Variants in SULT1C2 observed in about 807,000 individuals in gnomAD.
SULT1C2 encodes the protein sulfotransferase family 1C member 2.
In SULT1C2, 27 loss-of-function variants were observed where a neutral mutation model predicts 36.0. The observed-to-expected ratio is 0.75, with a 90% CI of 0.55 to 1.03. The LOEUF (loss-of-function observed/expected upper bound fraction) is 1.03. Ranked by LOEUF, SULT1C2 falls within the 50% of genes least tolerant of loss-of-function variation. The pLI is 0.00. For synonymous variants in SULT1C2, 121 were observed against 116.0 expected (o/e 1.04, Z -0.27); for missense variants, 395 against 359.2 (o/e 1.10, Z -0.80).
chr2:108,303,636 G>T (rs565699349), intron 4 of SULT1C2: 4 of 152,240 alleles, frequency 2.6e-5, no homozygotes, highest in Non-Finnish European at 5.9e-5. Context: ...GGATGTCAAA[G>T]CATCAGATAC....
chr2:108,292,183 A>C (rs1676608520), intron 1 of SULT1C2, among the ~76,000 whole-genome samples: 1 of 152,182 alleles, frequency 6.6e-6, no homozygotes, highest in African/African-American at 2.4e-5. Flanking sequence ...CAAAAGTTAA[A>C]ATAAATTAAT....
intron 4 of SULT1C2, 138 bp from the exon 5 acceptor site, chr2:108,304,436 C>A: frequency 1.1e-6 from 1 of 894,672 alleles, no homozygotes; most frequent in Non-Finnish European, 1.6e-6. Flanking sequence ...AGGGAGGTCA[C>A]AAGGCCAAGT....
chr2:108,303,384 C>T (rs1676939420), intron 4 of SULT1C2: 1 of 152,438 alleles, frequency 6.6e-6, no homozygotes, highest in African/African-American at 2.4e-5. Flanking sequence ...GGGCAAGAGC[C>T]TTGATGTGGT....
intron 3 of SULT1C2, chr2:108,299,943 T>A (rs1676831142): frequency 6.6e-6 from 1 of 152,252 alleles, no homozygotes; most frequent in African/African-American, 2.4e-5. Context: ...TCCTCTGACA[T>A]GATTCGCATG....
In SULT1C2 at chr2:108,305,677, T is replaced by C. The variant is rs770168471; in HGVS notation, c.778+82T>C. ...CTTAGCAGACAATATTGAGTTTTAT[T>C]AATTCCAAGCCAATGCATTTCAACT... On this transcript the variant is annotated intron_variant, in intron 7 of 7. Transcript: ENST00000251481. 4 of 1,534,308 alleles carry C rather than the reference T, an allele frequency of 2.6e-6. No individual in the cohort carries two copies. In the South Asian group the frequency reaches 4.5e-5, roughly 17 times the overall value.
chr2:108,296,758 T>C (rs1676740149), intron 3 of SULT1C2, among the ~76,000 whole-genome samples: 1 of 152,232 alleles, frequency 6.6e-6, no homozygotes, highest in African/African-American at 2.4e-5. Flanking sequence ...GCCAGTGGTT[T>C]TCTTTCAGAG....
At chr2:108,300,638 G>C in intron 3 of SULT1C2, 200 bp from the exon 4 acceptor site, 1 of 812,798 alleles carries the variant, frequency 1.2e-6, no homozygotes, top group Non-Finnish European at 1.8e-6. Flanking sequence ...TTAACTCTAA[G>C]GCCCCATCCA....
At chr2:108,296,354 G>T (rs1289436311) in intron 3 of SULT1C2, among the ~76,000 whole-genome samples, 3 of 152,150 alleles carry the variant, frequency 2.0e-5, no homozygotes, top group African/African-American at 7.2e-5. Context: ...AGGAACCAAG[G>T]TGCCCTGTGT....
At chr2:108,300,802 T>C in intron 3 of SULT1C2, 36 bp from the exon 4 acceptor site, 1 of 1,613,864 alleles carries the variant, frequency 6.2e-7, no homozygotes, top group Non-Finnish European at 8.5e-7. Flanking sequence ...GTAGTGCTTG[T>C]ACTACGCAGA....
chr2:108,291,031 G>C (rs1003184787), intron 1 of SULT1C2, among the ~76,000 whole-genome samples: 2 of 152,172 alleles, frequency 1.3e-5, no homozygotes, highest in African/African-American at 4.8e-5. Context: ...GTAAAATCAA[G>C]GTGTTGGCAG....
rs117250056 is a variant in SULT1C2 at position 108,291,478 on chromosome 2, C to T, written c.-21-2169C>T. On this transcript the variant is annotated intron_variant, in intron 1 of 7. Coordinates refer to ENST00000251481, the MANE Select transcript of SULT1C2 (RefSeq NM_001056.4). ...ATCTTTAGGGCCATTATTCTGCCTA[C>T]AACAATATACATTTGAAAAAGACAG... Among the ~76,000 whole-genome samples the T allele has an allele frequency of 7.3e-3, 1,110 of 152,242 alleles. 28 individuals are homozygous for T. The East Asian group carries it at 0.092, about 13-fold the overall frequency.
chr2:108,295,401 A>C (rs1676699658), intron 3 of SULT1C2, among the ~76,000 whole-genome samples: 1 of 152,194 alleles, frequency 6.6e-6, no homozygotes, highest in African/African-American at 2.4e-5. Context: ...CTGCCTGCTT[A>C]ACCATGATCT....
At chr2:108,296,796 G>A (rs1017712418) in intron 3 of SULT1C2, among the ~76,000 whole-genome samples, 1 of 152,224 alleles carries the variant, frequency 6.6e-6, no homozygotes. Context: ...TTGAGGTGAG[G>A]AGCATCACTG....
Position 108,308,336 on chromosome 2 carries a change from G to T in SULT1C2, c.779-16G>T. On this transcript the variant is annotated splice_polypyrimidine_tract_variant and intron_variant, in intron 7 of 7. Transcript: ENST00000251481. ...TCAATCAGAGTGACACTCCTGTCTG[G>T]CCTTCCTTTTTCTAGGAACTGTGGG... 6.3e-7 allele frequency: 1 copy of T among 1,596,262 alleles called. No homozygotes were observed. The highest frequency in any genetic ancestry group is 8.5e-7 in the Non-Finnish European group (1 of 1,173,360).
chr2:108,305,088 A>G (rs956998419), intron 5 of SULT1C2, 84 bp from the exon 6 acceptor site: 1 of 1,509,762 alleles, frequency 6.6e-7, no homozygotes, highest in African/African-American at 1.4e-5. Context: ...TTCTCTCTCT[A>G]ACTCACTTCA....
intron 4 of SULT1C2, 82 bp downstream of exon 4, chr2:108,301,017 C>A: frequency 6.4e-7 from 1 of 1,552,846 alleles, no homozygotes; most frequent in South Asian, 1.2e-5. Context: ...GCAGAGCATT[C>A]GTGATCACCT....
Position 108,309,157 on chromosome 2 carries a change from A to G in SULT1C2, c.*693A>G, listed in dbSNP as rs1677095753. ...AAAGGAGGAGACAGGATGGCTGTCA[A>G]CAACGTCAGCATGGGCATGGCTCCC... On this transcript the variant is annotated 3_prime_UTR_variant, in exon 8 of 8. Coordinates refer to ENST00000251481, the MANE Select transcript of SULT1C2 (RefSeq NM_001056.4). The G allele has an allele frequency of 1.3e-5, 2 of 152,262 alleles. No homozygotes were observed. The highest frequency in any genetic ancestry group is 4.8e-5 in the African/African-American group (2 of 41,476). The allele number at this position is 152,262 out of a possible 1,614,324, so 9.4% of individuals were successfully genotyped here.
intron 1 of SULT1C2, among the ~76,000 whole-genome samples, chr2:108,292,919 C>G (rs1676627704): frequency 6.6e-6 from 1 of 152,146 alleles, no homozygotes; most frequent in African/African-American, 2.4e-5. Flanking sequence ...TGGCTCACGC[C>G]TGTAATCCCA....
rs1219134054 is a variant in SULT1C2 at position 108,309,761 on chromosome 2, AAGG to A, written c.*1299_*1301del. 4 of 152,144 alleles carry A rather than the reference AAGG, an allele frequency of 2.6e-5. No homozygotes were observed. In the East Asian group the frequency reaches 7.8e-4, roughly 30 times the overall value. The allele number at this position is 152,144 out of a possible 1,614,324, so 9.4% of individuals were successfully genotyped here. A position where few individuals can be genotyped will look rare whatever the true frequency, so the allele number is the denominator to read the frequency against. On this transcript the variant is annotated 3_prime_UTR_variant, in exon 8 of 8. Transcript: ENST00000251481. ...TTCTCCCTGAAAAAGAGAAAAAAAA[AAGG>A]AAAAAAAGAAAAGAAAAGTGAAAAG... is the stretch of plus-strand genomic sequence containing the variant.
Sources: allele counts gnomAD v4.1 joint callset (sites outside exome capture counted in the v4.1 genomes callset), GRCh38; gene constraint gnomAD v4.1.1; transcripts MANE v1.5; gene names NCBI Gene and HGNC (gene_info 2026-07-23, HGNC 2026-07-21).